EBF2: variants seen among roughly 807,000 people sequenced by gnomAD.
EBF2 encodes EBF transcription factor 2, also known as transcription factor COE2.
A neutral mutation model predicts 72.8 loss-of-function variants in EBF2; 21 were observed. The ratio of observed to expected loss-of-function variants is 0.29; its 90% CI spans 0.20 to 0.42. EBF2 has a LOEUF of 0.42. EBF2 is among the 10% of genes least tolerant of loss of function. EBF2 has a pLI of 1.00. For synonymous variants in EBF2, 299 were observed against 274.2 expected, an observed-to-expected ratio of 1.09 and a Z score of -0.89; for missense variants, 637 against 731.2, an observed-to-expected ratio of 0.87 and a Z score of 1.49.
chr8:25,901,250 C>T (rs1802947158), intron 7 of EBF2, among the ~76,000 whole-genome samples: 1 of 151,770 alleles, frequency 6.6e-6, no homozygotes, highest in Non-Finnish European at 1.5e-5. Flanking sequence ...GGCAAAACCC[C>T]GTCTCGATAA....
At chr8:25,845,805 T>G (rs1801821260) in intron 15 of EBF2, among the ~76,000 whole-genome samples, 1 of 152,244 alleles carries the variant, frequency 6.6e-6, no homozygotes, top group South Asian at 2.1e-4. Flanking sequence ...AAATCATATC[T>G]AGAATTTGAT....
chr8:25,972,127 A>G (rs1445953790), intron 6 of EBF2, among the ~76,000 whole-genome samples: 3 of 152,208 alleles, frequency 2.0e-5, no homozygotes, highest in Non-Finnish European at 4.4e-5. Context: ...GAAGAGAGCT[A>G]GGGTGCAGAA....
At chr8:25,989,459 C>T (rs967075509) in intron 6 of EBF2, among the ~76,000 whole-genome samples, 1 of 152,210 alleles carries the variant, frequency 6.6e-6, no homozygotes, top group African/African-American at 2.4e-5. Flanking sequence ...TGAAAAAAGA[C>T]ATGATTTATA....
intron 6 of EBF2, among the ~76,000 whole-genome samples, chr8:25,971,301 C>A (rs1201337216): frequency 6.6e-6 from 1 of 152,166 alleles, no homozygotes; most frequent in Admixed American, 6.5e-5. Flanking sequence ...TAAGCCAATA[C>A]CTCCTGTCAC....
intron 6 of EBF2, among the ~76,000 whole-genome samples, chr8:25,981,072 T>A (rs1804354154): frequency 6.6e-6 from 1 of 152,106 alleles, no homozygotes; most frequent in Non-Finnish European, 1.5e-5. Context: ...CGTTTGTTCC[T>A]CTCTAAGCCT....
At chr8:25,940,353 C>T (rs1220617707) in intron 6 of EBF2, among the ~76,000 whole-genome samples, 5 of 152,248 alleles carry the variant, frequency 3.3e-5, no homozygotes, top group South Asian at 2.1e-4. Context: ...AGGGAGTTGA[C>T]GTGACTTGCC....
At chr8:25,971,698 A>ATAATGATAGATATAT (rs1585212100) in intron 6 of EBF2, among the ~76,000 whole-genome samples, 1 of 152,344 alleles carries the variant, frequency 6.6e-6, no homozygotes, top group East Asian at 1.9e-4. Flanking sequence ...TTGGCTTGTT[A>ATAATGATAGATATAT]CTGGCTAAGT....
At chr8:26,013,816 G>A (rs1451729765) in intron 6 of EBF2, among the ~76,000 whole-genome samples, 1 of 152,110 alleles carries the variant, frequency 6.6e-6, no homozygotes, top group Non-Finnish European at 1.5e-5. Context: ...GAGGAATCTG[G>A]CATTATTACA....
intron 7 of EBF2, among the ~76,000 whole-genome samples, chr8:25,902,540 T>C (rs916097964): frequency 6.6e-6 from 1 of 151,996 alleles, no homozygotes; most frequent in African/African-American, 2.4e-5. Context: ...TAATAATTAA[T>C]CTATTTATTT....
intron 6 of EBF2, among the ~76,000 whole-genome samples, chr8:26,001,059 C>A (rs1804715544): frequency 6.6e-6 from 1 of 152,202 alleles, no homozygotes; most frequent in African/African-American, 2.4e-5. Context: ...GCATGGGAAG[C>A]AATCTTATGG....
chr8:26,014,452 A>C (rs1174091338), intron 6 of EBF2, among the ~76,000 whole-genome samples: 1 of 152,242 alleles, frequency 6.6e-6, no homozygotes. Context: ...TTACAAAATC[A>C]AAGTTAAGTT....
At chr8:26,024,452 G>T (rs1299804201) in intron 6 of EBF2, among the ~76,000 whole-genome samples, 5 of 152,100 alleles carry the variant, frequency 3.3e-5, no homozygotes, top group Non-Finnish European at 5.9e-5. Flanking sequence ...CAAGGTCCAT[G>T]GCATAATAGG....
intron 7 of EBF2, among the ~76,000 whole-genome samples, chr8:25,902,450 T>C (rs1174487939): frequency 6.6e-6 from 1 of 152,104 alleles, no homozygotes; most frequent in East Asian, 1.9e-4. Context: ...AATCTTAAGT[T>C]TGTTTTCTCT....
At chr8:25,976,224 T>C (rs1361891566) in intron 6 of EBF2, among the ~76,000 whole-genome samples, 3 of 152,228 alleles carry the variant, frequency 2.0e-5, no homozygotes, top group Non-Finnish European at 4.4e-5. Context: ...AATTATTAAA[T>C]TATTATTGAA....
intron 6 of EBF2, among the ~76,000 whole-genome samples, chr8:25,959,352 C>T (rs1268388448): frequency 1.3e-5 from 2 of 151,980 alleles, no homozygotes; most frequent in Non-Finnish European, 2.9e-5. Context: ...TTACAGGCGC[C>T]CACCACCATG....
chr8:26,027,680 G>A (rs1805322182), intron 6 of EBF2, among the ~76,000 whole-genome samples: 1 of 101,572 alleles, frequency 9.8e-6, no homozygotes, highest in South Asian at 3.4e-4. Context: ...CATGTCCACA[G>A]CAACATTATT....
chr8:25,918,941 C>T (rs999295807), intron 6 of EBF2, among the ~76,000 whole-genome samples: 1 of 152,156 alleles, frequency 6.6e-6, no homozygotes, highest in Non-Finnish European at 1.5e-5. Flanking sequence ...TATATCAAAA[C>T]ACTCTGTGCA....
intron 6 of EBF2, among the ~76,000 whole-genome samples, chr8:25,925,366 G>A (rs1803369752): frequency 6.6e-6 from 1 of 151,954 alleles, no homozygotes; most frequent in South Asian, 2.1e-4. Context: ...AGGGCAATGG[G>A]TCAAGAGTCT....
chr8:26,041,802 T>C (rs1182980969), intron 2 of EBF2, among the ~76,000 whole-genome samples: 1 of 152,108 alleles, frequency 6.6e-6, no homozygotes, highest in African/African-American at 2.4e-5. Flanking sequence ...GGGTGTACTT[T>C]TTAACTAGTC....
Sources: allele counts gnomAD v4.1 joint callset (sites outside exome capture counted in the v4.1 genomes callset), GRCh38; gene constraint gnomAD v4.1.1; transcripts MANE v1.5; gene names NCBI Gene and HGNC (gene_info 2026-07-23, HGNC 2026-07-21).